RNLS: variants seen among roughly 807,000 people sequenced by gnomAD.
The protein encoded by RNLS is renalase, FAD dependent amine oxidase.
A neutral mutation model predicts 39.8 loss-of-function variants in RNLS; 39 were observed. That is an observed-to-expected ratio of 0.98 (90% CI 0.76 to 1.28). The LOEUF (loss-of-function observed/expected upper bound fraction) is 1.28, where lower values mean the gene tolerates loss of function less well. Ranked by LOEUF, RNLS falls within the 50% of genes most tolerant of loss-of-function variation. The pLI, the probability that RNLS is intolerant of heterozygous loss-of-function variation, is 0.00. For missense variants in RNLS, 410 were observed against 413.3 expected, an observed-to-expected ratio of 0.99 and a Z score of 0.07; for synonymous variants, 147 against 150.7, an observed-to-expected ratio of 0.98 and a Z score of 0.18.
intron 4 of RNLS, among the ~76,000 whole-genome samples, chr10:88,424,684 C>T (rs1589769272): frequency 6.6e-6 from 1 of 152,110 alleles, no homozygotes; most frequent in East Asian, 1.9e-4. Context: ...AGCTGCTAAT[C>T]TAGCCTCCAT....
chr10:88,411,606 G>A (rs1236171166), intron 4 of RNLS, among the ~76,000 whole-genome samples: 3 of 151,656 alleles, frequency 2.0e-5, no homozygotes, highest in Non-Finnish European at 2.9e-5. Flanking sequence ...CAACAAACAT[G>A]TATTGAACAT....
At chr10:88,200,946 A>G in the RNLS span, among the ~76,000 whole-genome samples, 3 of 151,466 alleles carry the variant, frequency 2.0e-5, no homozygotes, top group African/African-American at 7.3e-5. Context: ...ACAGCCAAGG[A>G]CTTAGCATTT....
the RNLS span, among the ~76,000 whole-genome samples, chr10:88,187,992 T>G: frequency 1.3e-5 from 2 of 152,360 alleles, no homozygotes; most frequent in East Asian, 3.9e-4. Flanking sequence ...ATATTGGTCC[T>G]GAAATGTTGG....
intron 4 of RNLS, among the ~76,000 whole-genome samples, chr10:88,410,944 A>T (rs1420847941): frequency 6.6e-6 from 1 of 152,168 alleles, no homozygotes; most frequent in Non-Finnish European, 1.5e-5. Flanking sequence ...AGAGAGTTAA[A>T]GCCATGGAAA....
At chr10:88,418,245 T>C (rs1450501484) in intron 4 of RNLS, among the ~76,000 whole-genome samples, 3 of 152,144 alleles carry the variant, frequency 2.0e-5, no homozygotes, top group Non-Finnish European at 4.4e-5. Flanking sequence ...AAATTAGTTA[T>C]CCTGGTAAGT....
intron 4 of RNLS, among the ~76,000 whole-genome samples, chr10:88,388,595 G>C (rs1294104768): frequency 6.6e-6 from 1 of 151,652 alleles, no homozygotes; most frequent in Non-Finnish European, 1.5e-5. Context: ...TTATCACATG[G>C]CTAGCTCTTT....
At chr10:88,501,205 T>C (rs1324266173) in intron 4 of RNLS, among the ~76,000 whole-genome samples, 1 of 152,104 alleles carries the variant, frequency 6.6e-6, no homozygotes, top group Non-Finnish European at 1.5e-5. Context: ...GGAAACTGAT[T>C]TGATCACCTG....
intron 4 of RNLS, among the ~76,000 whole-genome samples, chr10:88,437,013 T>C (rs76167451): frequency 0.17 from 25,173 of 152,278 alleles, 2,751 homozygotes; most frequent in Non-Finnish European, 0.25. Context: ...ATAGAGGTGA[T>C]GCTTACAGCA....
chr10:88,173,465 A>G, the RNLS span, among the ~76,000 whole-genome samples: 1 of 152,114 alleles, frequency 6.6e-6, no homozygotes, highest in Non-Finnish European at 1.5e-5. Flanking sequence ...TTGGCTATTC[A>G]TGGTTAATTG....
At chr10:88,497,134 T>C (rs1355282358) in intron 4 of RNLS, among the ~76,000 whole-genome samples, 1 of 152,064 alleles carries the variant, frequency 6.6e-6, no homozygotes, top group Non-Finnish European at 1.5e-5. Context: ...ATTAATTAAT[T>C]TTTAAAAATG....
intron 5 of RNLS, among the ~76,000 whole-genome samples, chr10:88,318,830 G>A (rs1845959210): frequency 6.6e-6 from 1 of 152,208 alleles, no homozygotes; most frequent in Non-Finnish European, 1.5e-5. Flanking sequence ...TGGTCAGGAT[G>A]AGGAGCTGGT....
chr10:88,454,664 A>C (rs1379840959), intron 4 of RNLS, among the ~76,000 whole-genome samples: 1 of 152,218 alleles, frequency 6.6e-6, no homozygotes. Flanking sequence ...GAGGTGCTTA[A>C]GTCACTCAGG....
At chr10:88,353,885 TG>T (rs1683166474) in intron 5 of RNLS, among the ~76,000 whole-genome samples, 1 of 152,238 alleles carries the variant, frequency 6.6e-6, no homozygotes. Flanking sequence ...TTTATGAATC[TG>T]GGTGCTCCTG....
At chr10:88,448,894 G>C (rs1328966410) in intron 4 of RNLS, among the ~76,000 whole-genome samples, 1 of 152,102 alleles carries the variant, frequency 6.6e-6, no homozygotes, top group African/African-American at 2.4e-5. Context: ...GCAAACTATG[G>C]CAAAGACAAG....
In RNLS at chr10:88,574,065, C is replaced by T. The variant is rs560442835; in HGVS notation, c.368-1004G>A. ...CTAAGACACGAGAATCGCTTGAACT[C>T]GGGAGGCAGAGGTTGCAGTGAGCTG... On this transcript the variant is annotated intron_variant, in intron 3 of 6. Coordinates refer to ENST00000331772, the MANE Select transcript of RNLS (RefSeq NM_001031709.3). Among the ~76,000 whole-genome samples, 132 of 152,190 alleles carry T rather than the reference C, an allele frequency of 8.7e-4. 1 individual carries two copies. In the Middle Eastern group the frequency reaches 0.01, roughly 12 times the overall value.
intron 5 of RNLS, among the ~76,000 whole-genome samples, chr10:88,358,570 A>G (rs1025042862): frequency 5.3e-5 from 8 of 152,254 alleles, no homozygotes; most frequent in Non-Finnish European, 1.0e-4. Flanking sequence ...TTATTTGATG[A>G]CAGAGCCCTT....
At chr10:88,501,017 C>CTG (rs768960553) in intron 4 of RNLS, among the ~76,000 whole-genome samples, 6 of 122,076 alleles carry the variant, frequency 4.9e-5, no homozygotes, top group East Asian at 2.6e-4. Flanking sequence ...GTATATATAT[C>CTG]TCTGTGTGTG....
intron 4 of RNLS, among the ~76,000 whole-genome samples, chr10:88,453,216 A>G (rs1000141487): frequency 6.6e-6 from 1 of 152,192 alleles, no homozygotes; most frequent in African/African-American, 2.4e-5. Flanking sequence ...TCTACCTCCA[A>G]AACTATAGTA....
At chr10:88,174,823 C>T in the RNLS span, among the ~76,000 whole-genome samples, 1 of 152,068 alleles carries the variant, frequency 6.6e-6, no homozygotes, top group Non-Finnish European at 1.5e-5. Context: ...GAATAGTTTG[C>T]AAAGAATTGA....
Sources: gnomAD v4.1 joint callset for allele counts (sites outside exome capture counted in the v4.1 genomes callset) on GRCh38, gnomAD v4.1.1 for gene constraint, MANE v1.5 for transcripts, NCBI Gene and HGNC (gene_info 2026-07-23, HGNC 2026-07-21) for gene names.